DDHD1: variants seen among roughly 807,000 people sequenced by gnomAD.
DDHD1 encodes the protein phospholipase DDHD1.
A neutral mutation model predicts 96.4 loss-of-function variants in DDHD1; 49 were observed. That is an observed-to-expected ratio of 0.51 (90% CI 0.40 to 0.64). The LOEUF is 0.64. Ranked by LOEUF, DDHD1 falls within the 30% of genes least tolerant of loss-of-function variation. The probability of loss-of-function intolerance (pLI) is 0.00; values close to 1 mark genes in which losing one functional copy is unlikely to be tolerated. For synonymous variants in DDHD1, 442 were observed against 446.5 expected (o/e 0.99, Z 0.13); for missense variants, 1,106 against 1,161.2 (o/e 0.95, Z 0.69).
chr14:53,147,751 T>C (rs758128394), intron 1 of DDHD1, among the ~76,000 whole-genome samples: 1 of 152,254 alleles, frequency 6.6e-6, no homozygotes, highest in Non-Finnish European at 1.5e-5. Context: ...TCCAGGCTAG[T>C]GGGAAATAAC....
intron 8 of DDHD1, among the ~76,000 whole-genome samples, chr14:53,059,329 C>T (rs1477587123): frequency 6.6e-6 from 1 of 152,042 alleles, no homozygotes; most frequent in Non-Finnish European, 1.5e-5. Context: ...ACTGCAAGCT[C>T]CGCCTCCTGG....
At chr14:53,103,253 G>C (rs959767878) in intron 2 of DDHD1, 1 of 446,074 alleles carries the variant, frequency 2.2e-6, no homozygotes, top group Non-Finnish European at 3.9e-6. Context: ...TTTTCAATAG[G>C]GGATAACTAA....
intron 1 of DDHD1, among the ~76,000 whole-genome samples, chr14:53,123,148 ATTATTAT>A (rs1889140026): frequency 6.8e-6 from 1 of 146,776 alleles, no homozygotes; most frequent in Non-Finnish European, 1.5e-5. Flanking sequence ...TATTATTATT[ATTATTAT>A]TATTATTTTG....
At chr14:53,147,458 C>A (rs73296175) in intron 1 of DDHD1, among the ~76,000 whole-genome samples, 1 of 152,082 alleles carries the variant, frequency 6.6e-6, no homozygotes, top group Non-Finnish European at 1.5e-5. Context: ...TTTGGCCATA[C>A]GTAAGGTGAA....
At chr14:53,065,228 T>G (rs996151894) in intron 6 of DDHD1, among the ~76,000 whole-genome samples, 1 of 152,214 alleles carries the variant, frequency 6.6e-6, no homozygotes, top group Non-Finnish European at 1.5e-5. Flanking sequence ...TTTCAAGAGT[T>G]GAGTCCAAAT....
chr14:53,096,867 T>C (rs1886922618), intron 2 of DDHD1, among the ~76,000 whole-genome samples: 3 of 152,092 alleles, frequency 2.0e-5, no homozygotes, highest in South Asian at 2.1e-4. Context: ...AATAAAATAA[T>C]GAAAAAAGTC....
intron 1 of DDHD1, among the ~76,000 whole-genome samples, chr14:53,139,090 AC>A (rs55734006): frequency 0.72 from 101,984 of 141,968 alleles, 38,563 homozygotes; most frequent in East Asian, 0.96. Context: ...AAAAAAAAAA[AC>A]CACACCCACA....
chr14:53,139,164 A>G (rs1490957529), intron 1 of DDHD1, among the ~76,000 whole-genome samples: 1 of 152,064 alleles, frequency 6.6e-6, no homozygotes, highest in Non-Finnish European at 1.5e-5. Context: ...TCCTGGGCCT[A>G]GAACATTCAT....
intron 2 of DDHD1, chr14:53,103,088 T>C: frequency 6.4e-7 from 1 of 1,551,718 alleles, no homozygotes; most frequent in Non-Finnish European, 8.7e-7. Context: ...TTTTTAACTT[T>C]ACCACATATT....
At chr14:53,079,151 T>C (rs944687304) in intron 4 of DDHD1, among the ~76,000 whole-genome samples, 3 of 152,190 alleles carry the variant, frequency 2.0e-5, no homozygotes, top group African/African-American at 7.2e-5. Flanking sequence ...CAGTAATATT[T>C]GTATAGTTTT....
At chr14:53,078,756 G>A (rs1414112308) in intron 4 of DDHD1, among the ~76,000 whole-genome samples, 3 of 152,154 alleles carry the variant, frequency 2.0e-5, no homozygotes, top group Non-Finnish European at 4.4e-5. Flanking sequence ...CAGAAGTGGT[G>A]AGAGTGGATA....
chr14:53,082,104 A>G (rs1483256855), intron 4 of DDHD1, among the ~76,000 whole-genome samples: 1 of 152,228 alleles, frequency 6.6e-6, no homozygotes, highest in East Asian at 1.9e-4. Context: ...ACAATATTAT[A>G]CTATACCTCA....
rs550378603 is a variant in DDHD1, at chr14:53,042,019, A to G, written c.*4749T>C. The G allele has an allele frequency of 3.3e-4, 51 of 152,306 alleles. No individual in the cohort carries two copies. The highest frequency in any genetic ancestry group is 1.2e-3 in the African/African-American group (50 of 41,562). The allele number at this position is 152,306 out of a possible 1,614,324, so 9.4% of individuals were successfully genotyped here. A position where few individuals can be genotyped will look rare whatever the true frequency, so the allele number is the denominator to read the frequency against. On this transcript the variant is annotated 3_prime_UTR_variant, in exon 13 of 13. Coordinates refer to ENST00000673822, the MANE Select transcript of DDHD1 (RefSeq NM_001160148.2). ...ATCAGGGGACTAGGTTCTAATTCTG[A>G]CTGTCATTCATTGGCCATGTGATTG...
rs915748310 is a variant in DDHD1 at position 53,041,037 on chromosome 14, A to G, written c.*5731T>C. On this transcript the variant is annotated 3_prime_UTR_variant, in exon 13 of 13. Transcript: ENST00000673822. Reference sequence around the variant, plus strand: ...CAAAGGGAAACAAAAAGTTTGAGAGATCAAGCAGGGACCGCAGTGGGTGTG... The same window carrying G: ...CAAAGGGAAACAAAAAGTTTGAGAGGTCAAGCAGGGACCGCAGTGGGTGTG... 1 of 151,982 alleles carries G rather than the reference A, an allele frequency of 6.6e-6. No homozygotes were observed. The highest frequency in any genetic ancestry group is 1.5e-5 in the Non-Finnish European group (1 of 68,028). 9.4% of individuals were successfully genotyped at this position (151,982 alleles called of 1,614,324 possible).
chr14:53,058,304 G>GT (rs1239983655), intron 9 of DDHD1, among the ~76,000 whole-genome samples, 173 bp downstream of exon 9: 3 of 151,634 alleles, frequency 2.0e-5, no homozygotes, highest in African/African-American at 2.4e-5. Context: ...TAGTAGAGAT[G>GT]AGGTTTCACC....
At chr14:53,151,901 G>A (rs932077835) in intron 1 of DDHD1, among the ~76,000 whole-genome samples, 2 of 152,118 alleles carry the variant, frequency 1.3e-5, no homozygotes, top group Non-Finnish European at 2.9e-5. Flanking sequence ...GGCTGTTTAG[G>A]GTAAATGAGA....
chr14:53,046,978 A>G, intron 12 of DDHD1, 29 bp from the exon 13 acceptor site: 4 of 1,557,236 alleles, frequency 2.6e-6, no homozygotes, highest in Non-Finnish European at 2.6e-6. Context: ...AAACAAATGA[A>G]TACAGATTAT....
chr14:53,120,047 A>G (rs1027100668), intron 1 of DDHD1, among the ~76,000 whole-genome samples: 1 of 152,164 alleles, frequency 6.6e-6, no homozygotes, highest in Admixed American at 6.5e-5. Flanking sequence ...TATTTAGAAA[A>G]CCCCATGGTC....
At chr14:53,146,495 C>CAAA (rs11399058) in intron 1 of DDHD1, among the ~76,000 whole-genome samples, 9 of 137,614 alleles carry the variant, frequency 6.5e-5, no homozygotes, top group Admixed American at 2.2e-4. Context: ...CAGAGCATCT[C>CAAA]AAAAAAAAAA....
Sources: allele counts gnomAD v4.1 joint callset (sites outside exome capture counted in the v4.1 genomes callset), GRCh38; gene constraint gnomAD v4.1.1; transcripts MANE v1.5; gene names NCBI Gene and HGNC (gene_info 2026-07-23, HGNC 2026-07-21).